UNC5D: variants seen among roughly 807,000 people sequenced by gnomAD.
The protein encoded by UNC5D is unc-5 netrin receptor D, also known as netrin receptor UNC5D.
In UNC5D, 39 loss-of-function variants were observed where a neutral mutation model predicts 105.4. The ratio of observed to expected loss-of-function variants is 0.37; its 90% confidence interval spans 0.29 to 0.48. UNC5D has a LOEUF of 0.48. Ranked by LOEUF, UNC5D falls within the 20% of genes least tolerant of loss-of-function variation. The pLI, the probability that UNC5D is intolerant of heterozygous loss-of-function variation, is 0.98. For synonymous variants in UNC5D, 452 were observed against 450.4 expected, an observed-to-expected ratio of 1.00 and a Z score of -0.04; for missense variants, 991 against 1,202.4, an observed-to-expected ratio of 0.82 and a Z score of 2.60.
intron 1 of UNC5D, chr8:35,255,687 G>C (rs1804030578): frequency 1.3e-5 from 2 of 152,178 alleles, no homozygotes; most frequent in South Asian, 4.1e-4. Flanking sequence ...AATATTTACT[G>C]TTCTTATGTG....
intron 4 of UNC5D, among the ~76,000 whole-genome samples, chr8:35,596,073 G>A (rs1819475906): frequency 6.6e-6 from 1 of 152,180 alleles, no homozygotes; most frequent in Admixed American, 6.5e-5. Context: ...TGTCACTGGT[G>A]TTTGTTCATC....
intron 1 of UNC5D, among the ~76,000 whole-genome samples, chr8:35,474,931 T>C (rs534891552): frequency 6.6e-6 from 1 of 152,110 alleles, no homozygotes; most frequent in South Asian, 2.1e-4. Context: ...GTAATCTGAG[T>C]GTCAGTAGGT....
At chr8:35,437,375 A>T (rs1408088468) in intron 1 of UNC5D, among the ~76,000 whole-genome samples, 1 of 152,100 alleles carries the variant, frequency 6.6e-6, no homozygotes, top group Non-Finnish European at 1.5e-5. Context: ...ATGAAAAAAA[A>T]AAGTAATCCT....
chr8:35,465,730 T>C (rs1809257114), intron 1 of UNC5D, among the ~76,000 whole-genome samples: 1 of 152,140 alleles, frequency 6.6e-6, no homozygotes, highest in South Asian at 2.1e-4. Flanking sequence ...TAGATGGACT[T>C]GAAGTTGCTA....
intron 1 of UNC5D, among the ~76,000 whole-genome samples, chr8:35,472,632 C>T (rs1809811236): frequency 6.6e-6 from 1 of 152,262 alleles, no homozygotes; most frequent in East Asian, 1.9e-4. Flanking sequence ...CATGACATTT[C>T]TATCACCATA....
At chr8:35,666,289 C>A (rs191206728) in intron 4 of UNC5D, among the ~76,000 whole-genome samples, 2 of 151,702 alleles carry the variant, frequency 1.3e-5, no homozygotes, top group East Asian at 1.9e-4. Flanking sequence ...AATGAAGGAT[C>A]GGAGTGAGGA....
intron 1 of UNC5D, among the ~76,000 whole-genome samples, chr8:35,514,488 G>A (rs1183253331): frequency 1.3e-5 from 2 of 152,208 alleles, no homozygotes; most frequent in Non-Finnish European, 2.9e-5. Flanking sequence ...AGGCTGGCTT[G>A]TGTACAACAT....
intron 1 of UNC5D, among the ~76,000 whole-genome samples, chr8:35,498,702 C>T (rs1046249245): frequency 6.6e-6 from 1 of 152,078 alleles, no homozygotes; most frequent in African/African-American, 2.4e-5. Flanking sequence ...TGAATTTCGT[C>T]ATCAGGCATC....
intron 3 of UNC5D, among the ~76,000 whole-genome samples, chr8:35,588,936 A>T (rs922567653): frequency 1.3e-5 from 2 of 152,030 alleles, no homozygotes; most frequent in Non-Finnish European, 2.9e-5. Flanking sequence ...CCAGCTACTC[A>T]GGAGGTTGAG....
At chr8:35,720,840 T>G (rs1340161001) in intron 8 of UNC5D, among the ~76,000 whole-genome samples, 1 of 87,036 alleles carries the variant, frequency 1.1e-5, no homozygotes, top group Non-Finnish European at 2.0e-5. Flanking sequence ...TCAGATGCTG[T>G]TTTTTTTTTT....
At chr8:35,429,096 A>T (rs1229224394) in intron 1 of UNC5D, among the ~76,000 whole-genome samples, 4 of 152,150 alleles carry the variant, frequency 2.6e-5, no homozygotes, top group African/African-American at 9.7e-5. Context: ...TTTATGCTTC[A>T]TTTAAATTGT....
intron 4 of UNC5D, among the ~76,000 whole-genome samples, chr8:35,642,607 C>T (rs768783464): frequency 2.6e-5 from 4 of 151,976 alleles, no homozygotes; most frequent in African/African-American, 4.8e-5. Context: ...CTGCGAAATC[C>T]GAATCAGGGC....
chr8:35,254,304 C>G (rs1803922210), intron 1 of UNC5D: 1 of 152,154 alleles, frequency 6.6e-6, no homozygotes, highest in East Asian at 1.9e-4. Context: ...ATTATATTTG[C>G]CCATCCATGA....
At chr8:35,391,449 T>C (rs1399370910) in intron 1 of UNC5D, among the ~76,000 whole-genome samples, 1 of 152,230 alleles carries the variant, frequency 6.6e-6, no homozygotes, top group Non-Finnish European at 1.5e-5. Flanking sequence ...TGTATATTTT[T>C]ATTTCTATAA....
At position 35,759,368 on chromosome 8, in the gene UNC5D, C is replaced by G. The variant is rs773430549; in HGVS notation, c.2212C>G (p.Pro738Ala). The change falls in exon 14 of 17, where the codon CCA (proline) becomes GCA (alanine). Residue 738 changes from proline (P) to alanine (A), a missense_variant. By Grantham distance (27) the Pro-to-Ala change is conservative. Coordinates refer to ENST00000404895, the MANE Select transcript of UNC5D (RefSeq NM_080872.4). ...RHQGGQLLEEPKLLHFKGNTF... is the reference protein window; with the variant it reads ...RHQGGQLLEEAKLLHFKGNTF... The stretch of plus-strand genomic sequence containing the variant: ...TCAAGGTGGACAGCTCCTGGAAGAA[C>G]CAAAATTGCTGCATTTCAAAGGGAA... 6.2e-7 allele frequency: 1 copy of G among 1,614,034 alleles called. No homozygotes were observed. The highest frequency in any genetic ancestry group is 8.5e-7 in the Non-Finnish European group (1 of 1,179,960).
At chr8:35,463,143 G>T (rs189361843) in intron 1 of UNC5D, among the ~76,000 whole-genome samples, 238 of 152,202 alleles carry the variant, frequency 1.6e-3, no homozygotes, top group African/African-American at 5.5e-3. Flanking sequence ...TGCAGCCTTG[G>T]ATGGGTTCCC....
chr8:35,301,188 A>G (rs1220952510), intron 1 of UNC5D, among the ~76,000 whole-genome samples: 2 of 152,182 alleles, frequency 1.3e-5, no homozygotes, highest in Non-Finnish European at 2.9e-5. Flanking sequence ...GTGGTGCCAG[A>G]AAGTACGAAG....
At chr8:35,447,814 A>T (rs1329857487) in intron 1 of UNC5D, among the ~76,000 whole-genome samples, 1 of 152,088 alleles carries the variant, frequency 6.6e-6, no homozygotes, top group African/African-American at 2.4e-5. Context: ...TAGAAAATCT[A>T]GTTCCAAATA....
At chr8:35,615,035 G>GCCCCCCCCCCCCC (rs1394702258) in intron 4 of UNC5D, among the ~76,000 whole-genome samples, 1 of 53,820 alleles carries the variant, frequency 1.9e-5, no homozygotes, top group Non-Finnish European at 3.0e-5. Flanking sequence ...CATAGTGAGG[G>GCCCCCCCCCCCCC]GCCCCCCCCC....
Sources: allele counts gnomAD v4.1 joint callset (sites outside exome capture counted in the v4.1 genomes callset), GRCh38; gene constraint gnomAD v4.1.1; transcripts MANE v1.5; gene names NCBI Gene and HGNC (gene_info 2026-07-23, HGNC 2026-07-21).